The following FEM1C variants were observed in gnomAD, a reference collection of about 807,000 sequenced individuals.
FEM1C encodes the protein fem-1 homolog C.
Under a neutral mutation model 37.6 loss-of-function variants are expected in FEM1C, and 15 were observed. The ratio of observed to expected loss-of-function variants is 0.40; its 90% CI spans 0.27 to 0.61. FEM1C has a LOEUF of 0.61. Ranked by LOEUF, FEM1C falls within the 20% of genes least tolerant of loss-of-function variation. The probability of loss-of-function intolerance (pLI) is 0.42; values close to 1 mark genes in which losing one functional copy is unlikely to be tolerated. For synonymous variants in FEM1C, 287 were observed against 272.8 expected (o/e 1.05, Z -0.51); for missense variants, 532 against 749.7 (o/e 0.71, Z 3.39).
Position 115,543,517 on chromosome 5 carries a change from CT to C in FEM1C, c.-25del. Reference sequence around the variant, plus strand: ...ATTTATGTCCAGTTGAGAGGCTGTGCTTTATTTATCTTTCAAAGCAGAGCTC... The same window carrying C: ...ATTTATGTCCAGTTGAGAGGCTGTGCTTATTTATCTTTCAAAGCAGAGCTC... On this transcript the variant is annotated 5_prime_UTR_variant, in exon 2 of 3. Transcript: ENST00000274457. 1.8e-5 allele frequency: 28 copies of C among 1,559,640 alleles called. No individual in the cohort carries two copies. Among genetic ancestry groups the C allele is most frequent in the Non-Finnish European group, 2.0e-5 (23 of 1,160,440 alleles).
chr5:115,535,489 A>C (rs1237571955), intron 2 of FEM1C, among the ~76,000 whole-genome samples: 1 of 152,008 alleles, frequency 6.6e-6, no homozygotes, highest in Non-Finnish European at 1.5e-5. Context: ...AATTAAGTAC[A>C]TGAAAAAATG....
chr5:115,533,630 C>A (rs961177896), intron 2 of FEM1C, among the ~76,000 whole-genome samples: 1 of 151,842 alleles, frequency 6.6e-6, no homozygotes, highest in African/African-American at 2.4e-5. Flanking sequence ...GTTACACAGG[C>A]CCTTTAAAAA....
intron 2 of FEM1C, among the ~76,000 whole-genome samples, chr5:115,531,965 C>G (rs1441263569): frequency 1.3e-5 from 2 of 152,112 alleles, no homozygotes; most frequent in Non-Finnish European, 2.9e-5. Context: ...GCACCAAGAA[C>G]AAACAGCCCT....
At chr5:115,535,267 A>G (rs1296714707) in intron 2 of FEM1C, among the ~76,000 whole-genome samples, 2 of 129,474 alleles carry the variant, frequency 1.5e-5, no homozygotes, top group Non-Finnish European at 3.2e-5. Context: ...TGGTATAAAC[A>G]CCACCATCAA....
In FEM1C at chr5:115,524,045, G is replaced by T; in HGVS notation, c.*263C>A. ...AAACACCCAACAGCAAACAAAACCAGAATGAATAAGCCTTTGGCAGACAAT... is the reference window on the plus strand; with the variant it reads ...AAACACCCAACAGCAAACAAAACCATAATGAATAAGCCTTTGGCAGACAAT... On this transcript the variant is annotated 3_prime_UTR_variant, in exon 3 of 3. Transcript: ENST00000274457. 2.8e-6 allele frequency: 1 copy of T among 354,970 alleles called. No homozygotes were observed. The highest frequency in any genetic ancestry group is 5.0e-6 in the Non-Finnish European group (1 of 198,322). 22.0% of individuals were successfully genotyped at this position (354,970 alleles called of 1,614,324 possible). A position where few individuals can be genotyped will look rare whatever the true frequency, so the allele number is the denominator to read the frequency against.
At position 115,525,627 on chromosome 5, in the gene FEM1C, A is replaced by T; in HGVS notation, c.545-10T>A. ...TGCAATGCAGTATTACCTTAAAGAG[A>T]GAGAGAAAAAAAGAAATAACATACA... On this transcript the variant is annotated splice_polypyrimidine_tract_variant and intron_variant, in intron 2 of 2. Coordinates refer to ENST00000274457, the MANE Select transcript of FEM1C (RefSeq NM_020177.3). The T allele has an allele frequency of 6.3e-7, 1 of 1,595,902 alleles. No homozygotes were observed. The highest frequency in any genetic ancestry group is 2.2e-5 in the East Asian group (1 of 44,720).
intron 1 of FEM1C, 113 bp from the exon 2 acceptor site, chr5:115,543,796 T>C: frequency 9.0e-7 from 1 of 1,115,892 alleles, no homozygotes; most frequent in Non-Finnish European, 1.1e-6. Context: ...CTTCAGGCAC[T>C]ACTCCATCCC....
Position 115,525,050 on chromosome 5 carries a change from T to C in FEM1C, c.1112A>G (p.Asn371Ser), listed in dbSNP as rs759247638. ...WKYALDMQQS[N>S]LDPLSPMTAS... The stretch of plus-strand genomic sequence containing the variant: ...GGTCATTGGGCTTAAAGGATCCAAA[T>C]TGCTCTGCTGCATATCCAAAGCATA... Residue 371 changes from asparagine (N) to serine (S), a missense_variant, in exon 3 of 3, where the codon AAT becomes AGT. This residue lies in a region of FEM1C where 221 missense variants were observed against 404.1 expected (regional missense o/e 0.55). Transcript: ENST00000274457. 5.0e-6 allele frequency: 8 copies of C among 1,613,604 alleles called. No homozygotes were observed. Among genetic ancestry groups the C allele is most frequent in the Admixed American group, 3.3e-5 (2 of 59,904 alleles).
Position 115,543,263 on chromosome 5 carries a change from A to G in FEM1C, c.231T>C (p.Asp77=), listed in dbSNP as rs753013890. The change falls in exon 2 of 3, where the codon GAT becomes GAC. Residue 77 remains aspartate (D), a synonymous_variant. Coordinates refer to ENST00000274457, the MANE Select transcript of FEM1C (RefSeq NM_020177.3). ...SIEVGGSVNF[D]GETIEGAPPL... is the part of the protein sequence containing the mutation. ...GGGGAGCCCCCTCAATGGTTTCGCC[A>G]TCAAAATTGACGGAGCCCCCAACTT... 1 of 1,614,046 alleles carries G rather than the reference A, an allele frequency of 6.2e-7. No homozygotes were observed. Among genetic ancestry groups the G allele is most frequent in the Non-Finnish European group, 8.5e-7 (1 of 1,180,014 alleles).
At position 115,535,505 on chromosome 5, in the gene FEM1C, C is replaced by T. The variant is rs796844016; in HGVS notation, c.544+7445G>A. Among the ~76,000 whole-genome samples the T allele has an allele frequency of 5.9e-5, 9 of 151,810 alleles. No homozygotes were observed. The South Asian group carries it at 6.2e-4, about 10-fold the overall frequency. On this transcript the variant is annotated intron_variant, in intron 2 of 2. Transcript: ENST00000274457. ...ATTAAGTACATGAAAAAATGCTCAA[C>T]GTCATTAGCGATTGGAGAAATATAA...
rs1159396978 is a variant in FEM1C, at chr5:115,521,831, T to C, written c.*2477A>G. On this transcript the variant is annotated 3_prime_UTR_variant, in exon 3 of 3. Transcript: ENST00000274457. The stretch of plus-strand genomic sequence containing the variant: ...AAAGGCTTTATCAGTGTCACATTTA[T>C]GAAACAATTTTCCCTAAAAGAAAAT... The C allele has an allele frequency of 3.3e-5, 5 of 151,914 alleles. No homozygotes were observed. The highest frequency in any genetic ancestry group is 3.3e-4 in the Admixed American group (5 of 15,210). The allele number at this position is 151,914 out of a possible 1,614,324, so 9.4% of individuals were successfully genotyped here.
chr5:115,525,370 C>G lies in FEM1C; in HGVS notation c.792G>C (p.Gly264=), dbSNP rs1753868937. The change falls in exon 3 of 3, where the codon GGG becomes GGC. Residue 264 remains glycine, a synonymous_variant. Coordinates refer to ENST00000274457, the MANE Select transcript of FEM1C (RefSeq NM_020177.3). ...TFVDKKRDLL[G]ALKYWKKAMN... is the part of the protein sequence containing the mutation. ...TTGCCTTTTTCCAGTATTTCAAAGC[C>G]CCAAGCAGATCTCTTTTTTTGTCTA... is the stretch of plus-strand genomic sequence containing the variant. 6.2e-7 allele frequency: 1 copy of G among 1,613,428 alleles called. No homozygotes were observed. The highest frequency in any genetic ancestry group is 1.1e-5 in the South Asian group (1 of 91,070).
In FEM1C at chr5:115,521,356, T is replaced by C. The variant is rs2127167168; in HGVS notation, c.*2952A>G. The C allele has an allele frequency of 6.6e-6, 1 of 151,918 alleles. No homozygotes were observed. The highest frequency in any genetic ancestry group is 2.1e-4 in the South Asian group (1 of 4,832). The allele number at this position is 151,918 out of a possible 1,614,324, so 9.4% of individuals were successfully genotyped here. A position where few individuals can be genotyped will look rare whatever the true frequency, so the allele number is the denominator to read the frequency against. The stretch of plus-strand genomic sequence containing the variant: ...CCTAAACAATTTTCCCAAATAATAG[T>C]AGACTGGGGTCTCTATACACATTAA... On this transcript the variant is annotated 3_prime_UTR_variant, in exon 3 of 3. Transcript: ENST00000274457.
chr5:115,539,349 C>T (rs1335173262), intron 2 of FEM1C, among the ~76,000 whole-genome samples: 1 of 151,996 alleles, frequency 6.6e-6, no homozygotes, highest in Non-Finnish European at 1.5e-5. Flanking sequence ...CCCCAAAACA[C>T]AAACAAAAGA....
Position 115,525,050 on chromosome 5 carries a change from T to A in FEM1C, c.1112A>T (p.Asn371Ile). 1 of 1,613,722 alleles carries A rather than the reference T, an allele frequency of 6.2e-7. No homozygotes were observed. Among genetic ancestry groups the A allele is most frequent in the Non-Finnish European group, 8.5e-7 (1 of 1,179,810 alleles). Reference sequence around the variant, plus strand: ...GGTCATTGGGCTTAAAGGATCCAAATTGCTCTGCTGCATATCCAAAGCATA... The same window carrying A: ...GGTCATTGGGCTTAAAGGATCCAAAATGCTCTGCTGCATATCCAAAGCATA... ...WKYALDMQQSNLDPLSPMTAS... is the reference protein window; with the variant it reads ...WKYALDMQQSILDPLSPMTAS... The change falls in exon 3 of 3, where the codon AAT (asparagine) becomes ATT (isoleucine). Residue 371 changes from asparagine (N) to isoleucine (I), a missense_variant. Asn to Ile is a moderately radical substitution (Grantham distance 149). Coordinates refer to ENST00000274457, the MANE Select transcript of FEM1C (RefSeq NM_020177.3).
chr5:115,525,609 C>T lies in FEM1C; in HGVS notation c.553G>A (p.Ala185Thr). ...VNRKSVKGNT[A>T]LHDCAESGSL... ...CCAGATTCTGCACAATCATGCAATG[C>T]AGTATTACCTTAAAGAGAGAGAGAA... is the stretch of plus-strand genomic sequence containing the variant. Residue 185 changes from alanine (A) to threonine (T), a missense_variant, in exon 3 of 3, where the codon GCA becomes ACA. Ala to Thr is a moderately conservative substitution (Grantham distance 58). This residue lies in a region of FEM1C where 221 missense variants were observed against 404.1 expected (regional missense o/e 0.55). Transcript: ENST00000274457. 6.2e-7 allele frequency: 1 copy of T among 1,611,316 alleles called. No homozygotes were observed. The highest frequency in any genetic ancestry group is 8.5e-7 in the Non-Finnish European group (1 of 1,178,616).
chr5:115,540,475 C>T (rs1754217252), intron 2 of FEM1C, among the ~76,000 whole-genome samples: 1 of 151,812 alleles, frequency 6.6e-6, no homozygotes, highest in Non-Finnish European at 1.5e-5. Flanking sequence ...TAAAGACATA[C>T]ATATTAGATA....
rs1377346738 is a variant in FEM1C, at chr5:115,525,065, T to A, written c.1097A>T (p.Asp366Val). Residue 366 changes from aspartate to valine, a missense_variant, in exon 3 of 3, where the codon GAT becomes GTT. Around this residue, in one of 3 missense-constraint regions of FEM1C, gnomAD observed 221 missense variants for 404.1 expected, o/e 0.55. Coordinates refer to ENST00000274457, the MANE Select transcript of FEM1C (RefSeq NM_020177.3). ...AGGATCCAAATTGCTCTGCTGCATA[T>A]CCAAAGCATACTTCCATAGGTTGAT... ...RCINLWKYAL[D>V]MQQSNLDPLS... 2.5e-6 allele frequency: 4 copies of A among 1,613,782 alleles called. No homozygotes were observed. Among genetic ancestry groups the A allele is most frequent in the South Asian group, 2.2e-5 (2 of 91,078 alleles).
At chr5:115,531,305 G>T (rs907863188) in intron 2 of FEM1C, among the ~76,000 whole-genome samples, 13 of 152,050 alleles carry the variant, frequency 8.5e-5, no homozygotes, top group African/African-American at 3.1e-4. Flanking sequence ...CTAAGGAAAA[G>T]CAGACAATCT....
Sources: allele counts gnomAD v4.1 joint callset (sites outside exome capture counted in the v4.1 genomes callset), GRCh38; gene constraint gnomAD v4.1.1; regional missense constraint gnomAD v4.1.1; transcripts MANE v1.5; gene names NCBI Gene and HGNC (gene_info 2026-07-23, HGNC 2026-07-21).